PDE7B: variants seen among roughly 807,000 people sequenced by gnomAD.
PDE7B encodes phosphodiesterase 7B.
In PDE7B, 29 loss-of-function variants were observed where a neutral mutation model predicts 56.2. The observed-to-expected ratio is 0.52, with a 90% confidence interval of 0.38 to 0.70. The LOEUF (loss-of-function observed/expected upper bound fraction) is 0.70. Ranked by LOEUF, PDE7B falls within the 30% of genes least tolerant of loss-of-function variation. The pLI is 0.00. For missense variants in PDE7B, 490 were observed against 565.0 expected (o/e 0.87, Z 1.35); for synonymous variants, 197 against 196.9 (o/e 1.00, Z 0.00).
At position 136,136,094 on chromosome 6, in the gene PDE7B, T is replaced by C. The variant is rs370103603; in HGVS notation, c.167-11257T>C. 4.8e-4 allele frequency among the ~76,000 whole-genome samples: 73 copies of C among 152,248 alleles called. 3 individuals carry two copies. In the South Asian group the frequency reaches 0.014, roughly 30 times the overall value. On this transcript the variant is annotated intron_variant, in intron 3 of 12. Coordinates refer to ENST00000308191, the MANE Select transcript of PDE7B (RefSeq NM_018945.4). ...TGTCATCCTAGACAACACTAACCTT[T>C]TAATTTTACAGGGATCCTGAACCCT...
intron 2 of PDE7B, among the ~76,000 whole-genome samples, chr6:135,978,890 C>A (rs150409187): frequency 0.02 from 3,065 of 151,854 alleles, 143 homozygotes; most frequent in African/African-American, 0.069. Context: ...GCCTAATTGC[C>A]CTGGCCAGAA....
At chr6:136,173,658 T>C (rs964666571) in intron 8 of PDE7B, 139 bp from the exon 9 acceptor site, 1 of 602,782 alleles carries the variant, frequency 1.7e-6, no homozygotes. Flanking sequence ...ATCTTTTGGG[T>C]TTTTTTTTCC....
intron 2 of PDE7B, among the ~76,000 whole-genome samples, chr6:136,054,803 C>T (rs1776700461): frequency 6.6e-6 from 1 of 152,054 alleles, no homozygotes; most frequent in African/African-American, 2.4e-5. Flanking sequence ...GCCTCACAAT[C>T]GTGGTGGAAG....
intron 2 of PDE7B, among the ~76,000 whole-genome samples, chr6:136,104,980 C>G (rs1298263029): frequency 1.3e-5 from 2 of 152,204 alleles, no homozygotes; most frequent in South Asian, 4.1e-4. Context: ...GTTTAGGTAT[C>G]TTTGCTCTCA....
chr6:135,867,596 C>G (rs1350737902), intron 1 of PDE7B, among the ~76,000 whole-genome samples: 1 of 152,116 alleles, frequency 6.6e-6, no homozygotes, highest in Non-Finnish European at 1.5e-5. Flanking sequence ...CCTCTACCGT[C>G]CAGTAGGCCC....
intron 1 of PDE7B, among the ~76,000 whole-genome samples, chr6:135,854,320 G>A (rs965471938): frequency 1.3e-5 from 2 of 152,156 alleles, no homozygotes; most frequent in African/African-American, 4.8e-5. Context: ...TCAAATTTAA[G>A]GATCAGAACA....
intron 1 of PDE7B, among the ~76,000 whole-genome samples, chr6:135,876,554 A>ATATGTT (rs1775496328): frequency 6.6e-6 from 1 of 152,108 alleles, no homozygotes. Context: ...TAGTCGATAG[A>ATATGTT]TATGTTCAAT....
At chr6:136,030,270 G>A (rs79535882) in intron 2 of PDE7B, among the ~76,000 whole-genome samples, 1 of 152,300 alleles carries the variant, frequency 6.6e-6, no homozygotes, top group East Asian at 1.9e-4. Flanking sequence ...TAGAAATCTG[G>A]TAATGTTCTA....
At chr6:135,979,769 A>G (rs1775261196) in intron 2 of PDE7B, among the ~76,000 whole-genome samples, 1 of 152,196 alleles carries the variant, frequency 6.6e-6, no homozygotes, top group African/African-American at 2.4e-5. Flanking sequence ...GGAGAACTAC[A>G]AACCAGTGCT....
chr6:135,950,988 A>G (rs943450232), intron 2 of PDE7B, among the ~76,000 whole-genome samples: 4 of 152,160 alleles, frequency 2.6e-5, no homozygotes, highest in Non-Finnish European at 5.9e-5. Flanking sequence ...GCAGGGAATT[A>G]TTTCTGGCTT....
chr6:136,164,701 G>A (rs1318375370), intron 8 of PDE7B, among the ~76,000 whole-genome samples: 4 of 152,046 alleles, frequency 2.6e-5, no homozygotes, highest in Admixed American at 2.6e-4. Context: ...GACTTTCATT[G>A]CAGAGAAATA....
At position 136,029,395 on chromosome 6, in the gene PDE7B, C is replaced by T. The variant is rs567184838; in HGVS notation, c.83-79336C>T. Reference sequence around the variant, plus strand: ...TGATATTCTAATTGAGACGCACAAACATAAAATCAGCAAGGTATGTGAACA... The same window carrying T: ...TGATATTCTAATTGAGACGCACAAATATAAAATCAGCAAGGTATGTGAACA... On this transcript the variant is annotated intron_variant, in intron 2 of 12. Coordinates refer to ENST00000308191, the MANE Select transcript of PDE7B (RefSeq NM_018945.4). Among the ~76,000 whole-genome samples the T allele has an allele frequency of 2.1e-4, 32 of 152,266 alleles. 1 individual carries two copies. In the East Asian group the frequency reaches 5.0e-3, roughly 24 times the overall value.
At chr6:136,188,325 T>C (rs1779173179) in intron 12 of PDE7B, among the ~76,000 whole-genome samples, 1 of 151,918 alleles carries the variant, frequency 6.6e-6, no homozygotes, top group Non-Finnish European at 1.5e-5. Flanking sequence ...AACCAATTCC[T>C]CCACCCCAAA....
Position 136,068,423 on chromosome 6 carries a change from CTTTTTTT to C in PDE7B, c.83-40289_83-40283del, listed in dbSNP as rs33992191. ...GAAGGGGTTGTGGAGACCAAGATTC[CTTTTTTT>C]TTTTTTTTTTTTTTTTTTGAGACGG... On this transcript the variant is annotated intron_variant, in intron 2 of 12. Coordinates refer to ENST00000308191, the MANE Select transcript of PDE7B (RefSeq NM_018945.4). 1.0e-4 allele frequency among the ~76,000 whole-genome samples: 8 copies of C among 79,536 alleles called. No individual in the cohort carries two copies. The South Asian group carries it at 1.8e-3, about 18-fold the overall frequency. 52.2% of individuals were successfully genotyped at this position (79,536 alleles called of 152,430 possible).
chr6:136,026,720 G>C (rs1292389547), intron 2 of PDE7B, among the ~76,000 whole-genome samples: 4 of 152,156 alleles, frequency 2.6e-5, no homozygotes, highest in African/African-American at 9.7e-5. Context: ...GGGGATTCTT[G>C]TCAGGATTCA....
rs9376176 is a variant in PDE7B, at chr6:136,157,355, C to G, written c.711+1597C>G. On this transcript the variant is annotated intron_variant, in intron 8 of 12. Transcript: ENST00000308191. Reference sequence around the variant, plus strand: ...CAGCACTTTGGGAGGCTGAGGCAGGCGGATCACTTGAGGTCAGTAGTTGGA... The same window carrying G: ...CAGCACTTTGGGAGGCTGAGGCAGGGGGATCACTTGAGGTCAGTAGTTGGA... Among the ~76,000 whole-genome samples, 312 of 152,204 alleles carry G rather than the reference C, an allele frequency of 2.0e-3. 8 individuals carry two copies. In the East Asian group the frequency reaches 0.053, roughly 26 times the overall value.
chr6:135,947,778 A>G (rs1431171903), intron 2 of PDE7B, among the ~76,000 whole-genome samples: 1 of 152,088 alleles, frequency 6.6e-6, no homozygotes, highest in Admixed American at 6.6e-5. Context: ...CATCAGCATA[A>G]CATAGAATTA....
chr6:135,976,039 G>C (rs999199091), intron 2 of PDE7B, among the ~76,000 whole-genome samples: 1 of 152,084 alleles, frequency 6.6e-6, no homozygotes, highest in South Asian at 2.1e-4. Context: ...AAATGGTGGC[G>C]TTCCAGTATC....
chr6:135,979,841 A>G (rs1430278548), intron 2 of PDE7B, among the ~76,000 whole-genome samples: 1 of 152,206 alleles, frequency 6.6e-6, no homozygotes, highest in African/African-American at 2.4e-5. Flanking sequence ...GGAAGAATCA[A>G]TATCGTGAAA....
Sources: allele counts gnomAD v4.1 joint callset (sites outside exome capture counted in the v4.1 genomes callset), GRCh38; gene constraint gnomAD v4.1.1; transcripts MANE v1.5; gene names NCBI Gene and HGNC (gene_info 2026-07-23, HGNC 2026-07-21).